ATP2B2: variants seen among roughly 807,000 people sequenced by gnomAD.
ATP2B2 encodes ATPase plasma membrane Ca2+ transporting 2, also known as plasma membrane calcium-transporting ATPase 2.
ATP2B2 carries 15 observed loss-of-function variants against 120.0 expected under a neutral mutation model. That is an observed-to-expected ratio of 0.12 (90% CI 0.08 to 0.19). The LOEUF (loss-of-function observed/expected upper bound fraction) is 0.19, where lower values mean the gene tolerates loss of function less well. Among genes scored for constraint, ATP2B2 ranks in the 10% least tolerant of loss-of-function variants. The pLI, the probability that ATP2B2 is intolerant of heterozygous loss-of-function variation, is 1.00. For synonymous variants in ATP2B2, 694 were observed against 700.3 expected (o/e 0.99, Z 0.14); for missense variants, 1,045 against 1,719.8 (o/e 0.61, Z 6.94).
intron 1 of ATP2B2, among the ~76,000 whole-genome samples, chr3:10,690,436 C>CTA (rs1553650964): frequency 7.7e-4 from 92 of 118,764 alleles, no homozygotes; most frequent in African/African-American, 2.6e-3. Context: ...ATATCTATAT[C>CTA]TATCTATCTA....
chr3:10,365,507 A>G (rs1214338347), intron 12 of ATP2B2, among the ~76,000 whole-genome samples: 1 of 152,084 alleles, frequency 6.6e-6, no homozygotes, highest in African/African-American at 2.4e-5. Context: ...GGTGTCCGGG[A>G]CGACAGAAGC....
intron 2 of ATP2B2, among the ~76,000 whole-genome samples, chr3:10,569,312 CCTAGTGGGAAGAA>C (rs2068074433): frequency 6.6e-6 from 1 of 152,202 alleles, no homozygotes; most frequent in Non-Finnish European, 1.5e-5. Context: ...CACTCACATC[CCTAGTGGGAAGAA>C]TTAACCCTAT....
chr3:10,390,994 G>A (rs549293253), intron 5 of ATP2B2, among the ~76,000 whole-genome samples: 3 of 152,274 alleles, frequency 2.0e-5, no homozygotes, highest in African/African-American at 7.2e-5. Flanking sequence ...TTACATATCA[G>A]CATTAGACAG....
chr3:10,380,893 G>A (rs1172424700), intron 8 of ATP2B2, among the ~76,000 whole-genome samples: 1 of 152,230 alleles, frequency 6.6e-6, no homozygotes, highest in African/African-American at 2.4e-5. Flanking sequence ...CAGTTTCAAA[G>A]GGCTTTTGCA....
intron 14 of ATP2B2, among the ~76,000 whole-genome samples, chr3:10,355,542 C>G (rs1468741153): frequency 6.6e-6 from 1 of 152,164 alleles, no homozygotes; most frequent in African/African-American, 2.4e-5. Context: ...GGCTGACCTC[C>G]CATTTCATAG....
chr3:10,463,280 C>T (rs73018781), intron 1 of ATP2B2, among the ~76,000 whole-genome samples: 33,290 of 152,064 alleles, frequency 0.22, 3,888 homozygotes, highest in Admixed American at 0.29. Flanking sequence ...CTCTCCAGTC[C>T]CCAGCACAGA....
At chr3:10,593,658 G>C (rs1575534868) in intron 2 of ATP2B2, among the ~76,000 whole-genome samples, 1 of 152,170 alleles carries the variant, frequency 6.6e-6, no homozygotes, top group African/African-American at 2.4e-5. Context: ...GCATGGGCAA[G>C]GACTTCATGT....
At position 10,338,190 on chromosome 3, in the gene ATP2B2, G is replaced by T. The variant is rs746372085; in HGVS notation, c.3406C>A (p.Arg1136=). 9 of 1,613,888 alleles carry T rather than the reference G, an allele frequency of 5.6e-6. No homozygotes were observed. The highest frequency in any genetic ancestry group is 1.1e-5 in the South Asian group (1 of 91,076). Residue 1136 remains arginine (R), a synonymous_variant, in exon 22 of 23, where the codon CGG becomes AGG. Transcript: ENST00000360273. ...GQILWFRGLN[R]IQTQIRVVKA... ...GCCTCCTGTACCTGTGTCTGGATCC[G>T]ATTCAGGCCTCGGAACCACAGGATC... is the stretch of plus-strand genomic sequence containing the variant.
upstream of ATP2B2, among the ~76,000 whole-genome samples, chr3:10,508,193 C>G (rs1418028686): frequency 6.6e-6 from 1 of 152,188 alleles, no homozygotes; most frequent in Non-Finnish European, 1.5e-5. Flanking sequence ...TGACTGGATG[C>G]CCCTATCTCC....
In ATP2B2 at chr3:10,614,698, C is replaced by T. The variant is rs535609920; in HGVS notation, c.-415+5219G>A. Among the ~76,000 whole-genome samples the T allele has an allele frequency of 2.0e-5, 3 of 152,244 alleles. No homozygotes were observed. The East Asian group carries it at 5.8e-4, about 29-fold the overall frequency. The stretch of plus-strand genomic sequence containing the variant: ...ATGGTAATACCACTGACCTATGTCC[C>T]AGAGTGGCTGTGAGGGTTCTATGAG... On this transcript the variant is annotated intron_variant, in intron 2 of 21. Coordinates refer to the ATP2B2 transcript ENST00000646379.
chr3:10,378,537 G>C, intron 9 of ATP2B2, 127 bp from the exon 10 acceptor site: 1 of 1,286,546 alleles, frequency 7.8e-7, no homozygotes, highest in East Asian at 2.5e-5. Context: ...TGCCTGGACT[G>C]AGCCCCGCAT....
chr3:10,617,421 C>G lies in ATP2B2; in HGVS notation c.-415+2496G>C, dbSNP rs2069421669. ...GCCTATAGTCAATACAAGAAAGTGA[C>G]AGCCATCCCCGGCTAAAATGAAGTT... On this transcript the variant is annotated intron_variant, in intron 2 of 21. Transcript: ENST00000646379. Among the ~76,000 whole-genome samples the G allele has an allele frequency of 3.3e-5, 5 of 152,184 alleles. No individual in the cohort carries two copies. The South Asian group carries it at 1.0e-3, about 32-fold the overall frequency.
rs551278184 is a variant in ATP2B2 at position 10,651,099 on chromosome 3, C to T, written c.-459-31138G>A. On this transcript the variant is annotated intron_variant, in intron 1 of 21. Coordinates refer to the ATP2B2 transcript ENST00000646379. ...ACTAGCTTGCTTTTGATTTTACATG[C>T]TCATAGGCAGAAGGGACTTGCCTTG... is the stretch of plus-strand genomic sequence containing the variant. 7.2e-5 allele frequency among the ~76,000 whole-genome samples: 11 copies of T among 152,316 alleles called. No homozygotes were observed. In the South Asian group the frequency reaches 1.9e-3, roughly 26 times the overall value.
At chr3:10,660,967 C>T (rs1203634184) in intron 1 of ATP2B2, among the ~76,000 whole-genome samples, 1 of 152,172 alleles carries the variant, frequency 6.6e-6, no homozygotes, top group Non-Finnish European at 1.5e-5. Flanking sequence ...AAACGTAACC[C>T]AGCATATAAA....
At chr3:10,601,183 C>G (rs1463257172) in intron 2 of ATP2B2, among the ~76,000 whole-genome samples, 1 of 152,122 alleles carries the variant, frequency 6.6e-6, no homozygotes, top group Non-Finnish European at 1.5e-5. Context: ...AGAGTGGCCA[C>G]TCTCTAGGCA....
rs1442163756 is a variant in ATP2B2, at chr3:10,443,566, T to C, written c.199+5779A>G. 2.6e-5 allele frequency among the ~76,000 whole-genome samples: 4 copies of C among 152,186 alleles called. 1 individual carries two copies. In the South Asian group the frequency reaches 8.3e-4, roughly 32 times the overall value. Reference sequence around the variant, plus strand: ...TAACCCGAAGCTGCCGGAGCCCCCATGTGCTAAAACCCGCCTGAAAATGAA... The same window carrying C: ...TAACCCGAAGCTGCCGGAGCCCCCACGTGCTAAAACCCGCCTGAAAATGAA... On this transcript the variant is annotated intron_variant, in intron 2 of 22. Coordinates refer to ENST00000360273, the MANE Select transcript of ATP2B2 (RefSeq NM_001001331.4).
chr3:10,460,803 C>T (rs924360771), intron 1 of ATP2B2, among the ~76,000 whole-genome samples: 8 of 152,158 alleles, frequency 5.3e-5, no homozygotes, highest in Non-Finnish European at 8.8e-5. Flanking sequence ...TTGTACTGTG[C>T]GTGGTCCTTT....
At chr3:10,622,026 TGG>T (rs2069565943) in intron 1 of ATP2B2, among the ~76,000 whole-genome samples, 2 of 152,206 alleles carry the variant, frequency 1.3e-5, no homozygotes, top group South Asian at 4.1e-4. Context: ...TGACCCTCTG[TGG>T]GCCTCTTCCT....
At chr3:10,526,835 T>TAAC (rs2067106157) in intron 3 of ATP2B2, among the ~76,000 whole-genome samples, 1 of 152,058 alleles carries the variant, frequency 6.6e-6, no homozygotes, top group Non-Finnish European at 1.5e-5. Flanking sequence ...CTAATAATAA[T>TAAC]AACAATAATA....
Sources: gnomAD v4.1 joint callset for allele counts (sites outside exome capture counted in the v4.1 genomes callset) on GRCh38, gnomAD v4.1.1 for gene constraint, MANE v1.5 for transcripts, NCBI Gene and HGNC (gene_info 2026-07-23, HGNC 2026-07-21) for gene names.